The following LAMA3 variants were observed in gnomAD, a reference collection of about 807,000 sequenced individuals.
The protein encoded by LAMA3 is laminin subunit alpha 3.
Under a neutral mutation model 402.0 loss-of-function variants are expected in LAMA3, and 281 were observed. The observed-to-expected ratio is 0.70, with a 90% CI of 0.63 to 0.77. The LOEUF (loss-of-function observed/expected upper bound fraction) is 0.77. Among genes scored for constraint, LAMA3 ranks in the 30% least tolerant of loss-of-function variants. The pLI is 0.00. For synonymous variants in LAMA3, 1,431 were observed against 1,558.4 expected (o/e 0.92, Z 1.93); for missense variants, 3,840 against 4,215.5 (o/e 0.91, Z 2.47).
At chr18:23,938,785 C>A (rs2082391800) in intron 67 of LAMA3, among the ~76,000 whole-genome samples, 1 of 148,068 alleles carries the variant, frequency 6.8e-6, no homozygotes, top group African/African-American at 2.5e-5. Flanking sequence ...AGAACCCAGA[C>A]TTGTGTAAGA....
At chr18:23,800,143 CAT>C (rs1165638828) in intron 12 of LAMA3, among the ~76,000 whole-genome samples, 2 of 152,354 alleles carry the variant, frequency 1.3e-5, no homozygotes, top group East Asian at 1.9e-4. Flanking sequence ...ACTTGGCACT[CAT>C]ATACATTTCT....
At chr18:23,892,505 A>T (rs2080711843) in intron 42 of LAMA3, among the ~76,000 whole-genome samples, 1 of 152,148 alleles carries the variant, frequency 6.6e-6, no homozygotes, top group Non-Finnish European at 1.5e-5. Flanking sequence ...CCCATAAACT[A>T]TTCAGGCTGC....
chr18:23,895,295 G>C (rs1341677819), intron 44 of LAMA3, among the ~76,000 whole-genome samples: 1 of 152,104 alleles, frequency 6.6e-6, no homozygotes. Context: ...TTTTCTCATC[G>C]AGCCTTTATT....
In LAMA3 at chr18:23,842,622, G is replaced by T. The variant is rs2063728180; in HGVS notation, c.3475G>T (p.Ala1159Ser). The T allele has an allele frequency of 6.2e-7, 1 of 1,614,170 alleles. No individual in the cohort carries two copies. Among genetic ancestry groups the T allele is most frequent in the Non-Finnish European group, 8.5e-7 (1 of 1,180,046 alleles). The change falls in exon 29 of 75, where the codon GCC (alanine) becomes TCC (serine). Residue 1159 changes from alanine (A) to serine (S), a missense_variant. Physicochemically the swap from Ala to Ser is moderately conservative, Grantham distance 99. Coordinates refer to ENST00000313654, the MANE Select transcript of LAMA3 (RefSeq NM_198129.4). ...GGWPRAGSFH[A>S]SFCPHVLGCR... ...TCTCTCTCTGCCAGGCTCCTTCCATGCCTCTTTTTGCCCCCATGTGCTTGG... is the reference window on the plus strand; with the variant it reads ...TCTCTCTCTGCCAGGCTCCTTCCATTCCTCTTTTTGCCCCCATGTGCTTGG...
intron 12 of LAMA3, among the ~76,000 whole-genome samples, chr18:23,801,234 A>G (rs1224322784): frequency 1.3e-5 from 2 of 152,190 alleles, no homozygotes; most frequent in Non-Finnish European, 2.9e-5. Flanking sequence ...GGAGCTTAAC[A>G]TTGAGTACAC....
chr18:23,898,474 C>A, intron 44 of LAMA3: 1 of 490,840 alleles, frequency 2.0e-6, no homozygotes, highest in Non-Finnish European at 3.6e-6. Flanking sequence ...ACCCTCATTT[C>A]TATAAGGTTA....
intron 2 of LAMA3, among the ~76,000 whole-genome samples, chr18:23,742,214 C>T (rs2061575291): frequency 6.6e-6 from 1 of 152,050 alleles, no homozygotes; most frequent in South Asian, 2.1e-4. Context: ...ATTCTGTGAC[C>T]AATTCTATGA....
At chr18:23,893,095 C>A (rs972622498) in intron 42 of LAMA3, among the ~76,000 whole-genome samples, 3 of 151,844 alleles carry the variant, frequency 2.0e-5, no homozygotes, top group African/African-American at 7.3e-5. Context: ...TTATTTTTTA[C>A]AATTAAAAGT....
intron 52 of LAMA3, among the ~76,000 whole-genome samples, chr18:23,907,064 T>C (rs985811722): frequency 6.6e-6 from 1 of 152,228 alleles, no homozygotes; most frequent in Non-Finnish European, 1.5e-5. Flanking sequence ...GATGAGGCTC[T>C]TTCAACAACA....
Position 23,907,641 on chromosome 18 carries a change from A to G in LAMA3, c.6810A>G (p.Arg2270=), listed in dbSNP as rs1278983915. 2 of 1,613,396 alleles carry G rather than the reference A, an allele frequency of 1.2e-6. No individual in the cohort carries two copies. The highest frequency in any genetic ancestry group is 1.3e-5 in the African/African-American group (1 of 74,914). ...TAGACACCAATCTCACAACTCTCCG[A>G]GATGGTCTTCATGGGATACAGAGAG... ...EVIDTNLTTL[R]DGLHGIQRGD... Residue 2270 remains arginine, a synonymous_variant, in exon 53 of 75, where the codon CGA becomes CGG. Coordinates refer to ENST00000313654, the MANE Select transcript of LAMA3 (RefSeq NM_198129.4).
rs765556706 is a variant in LAMA3, at chr18:23,932,243, T to C, written c.8660T>C (p.Leu2887Pro). 1.2e-6 allele frequency: 2 copies of C among 1,614,142 alleles called. No individual in the cohort carries two copies. Among genetic ancestry groups the C allele is most frequent in the South Asian group, 2.2e-5 (2 of 91,086 alleles). ...HISSSRQSLRLGGSNFEGCIS... is the reference protein window; with the variant it reads ...HISSSRQSLRPGGSNFEGCIS... ...TCAAGTTCCCGGCAGTCTCTGCGTC[T>C]GGGCGGGAGCAATTTTGAGGGTTGT... The change falls in exon 66 of 75, where the codon CTG becomes CCG. Residue 2887 changes from leucine to proline, a missense_variant. By Grantham distance (98) the Leu-to-Pro change is moderately conservative. Coordinates refer to ENST00000313654, the MANE Select transcript of LAMA3 (RefSeq NM_198129.4).
chr18:23,702,605 G>C (rs921279642), intron 1 of LAMA3, among the ~76,000 whole-genome samples: 8 of 152,204 alleles, frequency 5.3e-5, no homozygotes, highest in African/African-American at 1.9e-4. Flanking sequence ...GAGATTATAA[G>C]TGTGAGCCAC....
At position 23,834,557 on chromosome 18, in the gene LAMA3, T is replaced by G. The variant is rs77007691; in HGVS notation, c.2984+569T>G. The G allele has an allele frequency of 2.2e-3, 366 of 165,410 alleles. 3 individuals carry two copies. The highest frequency in any genetic ancestry group is 8.1e-3 in the African/African-American group (337 of 41,728). The allele number at this position is 165,410 out of a possible 1,614,324, so 10.2% of individuals were successfully genotyped here. A position where few individuals can be genotyped will look rare whatever the true frequency, so the allele number is the denominator to read the frequency against. ...TAAAAATGGTTTTGTTTGCATAATATTTCAAGATGTGTGCAAATGTTCAGA... is the reference window on the plus strand; with the variant it reads ...TAAAAATGGTTTTGTTTGCATAATAGTTCAAGATGTGTGCAAATGTTCAGA... On this transcript the variant is annotated intron_variant, in intron 24 of 74. Coordinates refer to ENST00000313654, the MANE Select transcript of LAMA3 (RefSeq NM_198129.4).
intron 32 of LAMA3, among the ~76,000 whole-genome samples, chr18:23,852,690 C>G (rs2144672745): frequency 6.6e-6 from 1 of 152,310 alleles, no homozygotes; most frequent in Admixed American, 6.5e-5. Context: ...TCCATGACAT[C>G]ACATTCTTTG....
intron 44 of LAMA3, among the ~76,000 whole-genome samples, chr18:23,896,709 G>A (rs1278916379): frequency 6.6e-6 from 1 of 152,194 alleles, no homozygotes; most frequent in Non-Finnish European, 1.5e-5. Context: ...TGAGAGCCTA[G>A]CAAAGCTTAC....
chr18:23,731,487 T>G (rs149698863), intron 2 of LAMA3, among the ~76,000 whole-genome samples: 1,686 of 152,340 alleles, frequency 0.011, 23 homozygotes, highest in Middle Eastern at 0.02. Flanking sequence ...TTGTGGCAGA[T>G]AGACCTGCAC....
rs778553094 is a variant in LAMA3 at position 23,895,075 on chromosome 18, C to G, written c.5613+17C>G. ...GACCTGAGGGTAAATCCCCTGCGGC[C>G]GAGAGTAGACACGTGGGGAGGAGAT... is the stretch of plus-strand genomic sequence containing the variant. On this transcript the variant is annotated intron_variant, in intron 44 of 74. Transcript: ENST00000313654. 13 of 1,575,702 alleles carry G rather than the reference C, an allele frequency of 8.3e-6. No homozygotes were observed. Among genetic ancestry groups the G allele is most frequent in the Non-Finnish European group, 1.1e-5 (13 of 1,161,390 alleles).
Position 23,860,261 on chromosome 18 carries a change from CTTTTT to C in LAMA3, c.4423-1370_4423-1366del, listed in dbSNP as rs59852195. 1.0e-3 allele frequency among the ~76,000 whole-genome samples: 117 copies of C among 112,660 alleles called. 4 individuals carry two copies. The South Asian group carries it at 0.032, about 31-fold the overall frequency. 73.9% of individuals were successfully genotyped at this position (112,660 alleles called of 152,430 possible). On this transcript the variant is annotated intron_variant, in intron 34 of 74. Transcript: ENST00000313654. ...TCTTTTCTTTGGTCACTTTTCTTTT[CTTTTT>C]TTTTTTTTTTTTTTGAGACAGGGTC...
intron 30 of LAMA3, among the ~76,000 whole-genome samples, chr18:23,846,046 C>G (rs2063807732): frequency 6.6e-6 from 1 of 152,148 alleles, no homozygotes; most frequent in African/African-American, 2.4e-5. Flanking sequence ...TATTTCTACT[C>G]TTTTATCCCA....
Sources: allele counts gnomAD v4.1 joint callset (sites outside exome capture counted in the v4.1 genomes callset), GRCh38; gene constraint gnomAD v4.1.1; transcripts MANE v1.5; gene names NCBI Gene and HGNC (gene_info 2026-07-23, HGNC 2026-07-21).